NLRP5: variants seen among roughly 807,000 people sequenced by gnomAD.
The protein encoded by NLRP5 is NLR family pyrin domain containing 5, also known as NACHT, LRR and PYD domains-containing protein 5.
In NLRP5, 93 loss-of-function variants were observed where a neutral mutation model predicts 113.1. The ratio of observed to expected loss-of-function variants is 0.82; its 90% CI spans 0.70 to 0.98. The LOEUF is 0.98. Among genes scored for constraint, NLRP5 ranks in the 50% least tolerant of loss-of-function variants. The probability of loss-of-function intolerance (pLI) is 0.00; values close to 1 mark genes in which losing one functional copy is unlikely to be tolerated. For synonymous variants in NLRP5, 751 were observed against 600.7 expected, an observed-to-expected ratio of 1.25 and a Z score of -3.66; for missense variants, 1,808 against 1,514.3, an observed-to-expected ratio of 1.19 and a Z score of -3.22.
chr19:56,022,259 G>T, intron 6 of NLRP5, among the ~76,000 whole-genome samples: 1 of 152,172 alleles, frequency 6.6e-6, no homozygotes, highest in Non-Finnish European at 1.5e-5. Flanking sequence ...TTGCTGTGTC[G>T]CCCAGGCTGA....
At chr19:55,993,100 C>T in the NLRP5 span, among the ~76,000 whole-genome samples, 3 of 151,880 alleles carry the variant, frequency 2.0e-5, no homozygotes, top group Non-Finnish European at 4.4e-5. Context: ...CCACCCACCT[C>T]GGCCTCCCAA....
At chr19:56,007,918 T>C (rs111698228) in intron 2 of NLRP5, among the ~76,000 whole-genome samples, 10,018 of 75,366 alleles carry the variant, frequency 0.13, 873 homozygotes, top group Admixed American at 0.18. Flanking sequence ...TGTGTGTGTG[T>C]GTGTGTGTGT....
chr19:56,037,714 A>AAAAAAAG (rs200215825), intron 9 of NLRP5, among the ~76,000 whole-genome samples: 9,011 of 130,600 alleles, frequency 0.069, 375 homozygotes, highest in Non-Finnish European at 0.079. Flanking sequence ...AAAAAAAAAA[A>AAAAAAAG]TGTTGGCTGG....
At chr19:55,987,686 T>C in the NLRP5 span, 1 of 669,314 alleles carries the variant, frequency 1.5e-6, no homozygotes, top group Non-Finnish European at 2.7e-6. Flanking sequence ...TCAGGACACC[T>C]GGGTAGAAAG....
intron 11 of NLRP5, among the ~76,000 whole-genome samples, chr19:56,046,783 C>A (rs866724843): frequency 6.6e-6 from 1 of 152,194 alleles, no homozygotes; most frequent in Non-Finnish European, 1.5e-5. Flanking sequence ...CTGCCCGCCT[C>A]GGCCTCCCAA....
chr19:55,998,656 A>ATATG (rs1555762342), upstream of NLRP5, among the ~76,000 whole-genome samples: 35 of 29,576 alleles, frequency 1.2e-3, no homozygotes, highest in African/African-American at 7.0e-3. Flanking sequence ...TCGTCTCAAA[A>ATATG]TATGTGTGTG....
chr19:56,027,913 G>A lies in NLRP5; in HGVS notation c.1680G>A (p.Glu560=). Residue 560 remains glutamate (E), a synonymous_variant, in exon 7 of 15, where the codon GAG becomes GAA. Transcript: ENST00000390649. ...TGGTTCAAGGACTCGGGGAGTCTGA[G>A]CTCCGTGCTCTGTTTCACATGAACA... 6.2e-7 allele frequency: 1 copy of A among 1,613,812 alleles called. No homozygotes were observed.
intron 4 of NLRP5, among the ~76,000 whole-genome samples, chr19:56,017,294 C>A (rs535533596): frequency 6.6e-6 from 1 of 150,858 alleles, no homozygotes; most frequent in South Asian, 2.1e-4. Context: ...TTGTTTATTT[C>A]TTTATTCCCT....
chr19:55,988,332 T>G, the NLRP5 span: 2 of 158,478 alleles, frequency 1.3e-5, no homozygotes, highest in Non-Finnish European at 2.8e-5. Context: ...GAGGCAGAGT[T>G]TGCAGTGAGC....
chr19:56,000,294 A>T (rs1981590601), intron 1 of NLRP5, among the ~76,000 whole-genome samples: 1 of 152,028 alleles, frequency 6.6e-6, no homozygotes, highest in Non-Finnish European at 1.5e-5. Context: ...TCCTGTATAG[A>T]GGATATTCAT....
chr19:56,043,310 G>A (rs1317951547), intron 11 of NLRP5, among the ~76,000 whole-genome samples: 3 of 152,022 alleles, frequency 2.0e-5, no homozygotes, highest in Non-Finnish European at 4.4e-5. Context: ...TTGCAAGGGC[G>A]ATGTGGTATC....
the NLRP5 span, among the ~76,000 whole-genome samples, chr19:55,993,902 G>T: frequency 3.3e-5 from 5 of 151,736 alleles, no homozygotes; most frequent in Admixed American, 2.6e-4. Context: ...TGGACAGTTA[G>T]GTAGATTACA....
the NLRP5 span, among the ~76,000 whole-genome samples, chr19:55,990,079 C>CTTTTTTCTTTTTTTTTTTTTTT: frequency 1.0e-5 from 1 of 95,956 alleles, no homozygotes; most frequent in Non-Finnish European, 2.0e-5. Context: ...TTTCTTTTTT[C>CTTTTTTCTTTTTTTTTTTTTTT]TTTTTTTTTT....
chr19:56,012,983 G>A (rs1486733557), intron 3 of NLRP5, among the ~76,000 whole-genome samples: 3 of 152,018 alleles, frequency 2.0e-5, no homozygotes, highest in African/African-American at 7.2e-5. Context: ...ACAAAGTTGT[G>A]TAACCATCAC....
chr19:56,003,911 G>A lies in NLRP5; in HGVS notation c.258G>A (p.Lys86=), dbSNP rs1420893034. 1 of 1,613,996 alleles carries A rather than the reference G, an allele frequency of 6.2e-7. No homozygotes were observed. Among genetic ancestry groups the A allele is most frequent in the South Asian group, 1.1e-5 (1 of 91,084 alleles). ...AGACATTCAAGGAATTACTAAAGAAGAAATCTTCAGAATCGACCACATGCT... is the reference window on the plus strand; with the variant it reads ...AGACATTCAAGGAATTACTAAAGAAAAAATCTTCAGAATCGACCACATGCT... Residue 86 remains lysine, a synonymous_variant, in exon 2 of 15, where the codon AAG becomes AAA. Coordinates refer to ENST00000390649, the MANE Select transcript of NLRP5 (RefSeq NM_153447.4).
chr19:56,050,864 T>C (rs1254292012), intron 12 of NLRP5, among the ~76,000 whole-genome samples: 1 of 152,206 alleles, frequency 6.6e-6, no homozygotes, highest in South Asian at 2.1e-4. Flanking sequence ...TTGCCCTAAG[T>C]TCATCTTCAG....
chr19:56,019,339 C>G lies in NLRP5; in HGVS notation c.566-3C>G. 1 of 1,613,910 alleles carries G rather than the reference C, an allele frequency of 6.2e-7. No individual in the cohort carries two copies. Among genetic ancestry groups the G allele is most frequent in the Non-Finnish European group, 8.5e-7 (1 of 1,179,862 alleles). On this transcript the variant is annotated splice_region_variant and splice_polypyrimidine_tract_variant and intron_variant, in intron 4 of 14. Transcript: ENST00000390649. ...TATGTTGGAATTCATTCTTCTTTTG[C>G]AGAAATTTCACAAGCTATGGAACAA...
At position 56,041,080 on chromosome 19, in the gene NLRP5, T is replaced by C. The variant is rs1291833797; in HGVS notation, c.2945T>C (p.Leu982Pro). 6.2e-7 allele frequency: 1 copy of C among 1,613,938 alleles called. No individual in the cohort carries two copies. The highest frequency in any genetic ancestry group is 8.5e-7 in the Non-Finnish European group (1 of 1,179,824). ...TCCATGAGGCTTCCCCACTGTAGTC[T>C]GCAGAGGCTGATGTGAGTCTGGCTT... Residue 982 changes from leucine (L) to proline (P), a missense_variant, in exon 11 of 15, where the codon CTG becomes CCG. Transcript: ENST00000390649.
In NLRP5 at chr19:56,058,287, T is replaced by G. The variant is rs773877703; in HGVS notation, c.3347T>G (p.Leu1116Trp). Residue 1116 changes from leucine (L) to tryptophan (W), a missense_variant, in exon 14 of 15, where the codon TTG (leucine) becomes TGG (tryptophan). Coordinates refer to ENST00000390649, the MANE Select transcript of NLRP5 (RefSeq NM_153447.4). The stretch of plus-strand genomic sequence containing the variant: ...TCTGATTGCTGTGAGGCACTCTCCT[T>G]GGCCCTTTCCTGCAACCGGCATCTG... The G allele has an allele frequency of 1.2e-6, 2 of 1,613,992 alleles. No individual in the cohort carries two copies. Among genetic ancestry groups the G allele is most frequent in the East Asian group, 4.5e-5 (2 of 44,874 alleles).
Sources: gnomAD v4.1 joint callset for allele counts (sites outside exome capture counted in the v4.1 genomes callset) on GRCh38, gnomAD v4.1.1 for gene constraint, MANE v1.5 for transcripts, NCBI Gene and HGNC (gene_info 2026-07-23, HGNC 2026-07-21) for gene names.